LUZP2: variants seen among roughly 807,000 people sequenced by gnomAD.
LUZP2 encodes leucine zipper protein 2.
LUZP2 carries 52 observed loss-of-function variants against 51.6 expected under a neutral mutation model. The observed-to-expected ratio is 1.01, with a 90% CI of 0.81 to 1.27. The LOEUF is 1.27. LUZP2 is among the 50% of genes most tolerant of loss of function. The probability of loss-of-function intolerance (pLI) is 0.00; values close to 1 mark genes in which losing one functional copy is unlikely to be tolerated. For missense variants in LUZP2, 436 were observed against 395.4 expected (o/e 1.10, Z -0.87); for synonymous variants, 154 against 137.3 (o/e 1.12, Z -0.85).
chr11:24,618,503 T>A (rs1854373873), intron 1 of LUZP2, among the ~76,000 whole-genome samples: 1 of 152,158 alleles, frequency 6.6e-6, no homozygotes, highest in Non-Finnish European at 1.5e-5. Flanking sequence ...GTTGCCTATG[T>A]TTTTGGCATT....
chr11:24,972,115 T>C (rs1158909592), intron 7 of LUZP2, among the ~76,000 whole-genome samples: 1 of 111,128 alleles, frequency 9.0e-6, no homozygotes, highest in Non-Finnish European at 1.7e-5. Flanking sequence ...CACTCCAGCC[T>C]GGGTGACAGC....
intron 1 of LUZP2, among the ~76,000 whole-genome samples, chr11:24,576,254 T>C (rs1852642029): frequency 7.0e-6 from 1 of 142,492 alleles, no homozygotes; most frequent in Non-Finnish European, 1.5e-5. Context: ...CTACTAAAGA[T>C]ACAAAAAAAT....
intron 1 of LUZP2, among the ~76,000 whole-genome samples, chr11:24,577,758 T>A (rs1420474780): frequency 1.3e-5 from 2 of 152,138 alleles, no homozygotes; most frequent in Non-Finnish European, 2.9e-5. Flanking sequence ...GAACTAATGA[T>A]TGCTATTACA....
chr11:24,859,866 C>T (rs539744915), intron 5 of LUZP2, among the ~76,000 whole-genome samples: 1 of 152,332 alleles, frequency 6.6e-6, no homozygotes, highest in South Asian at 2.1e-4. Flanking sequence ...CTTGTGAACC[C>T]AAGCCACTGG....
Position 25,050,030 on chromosome 11 carries a change from CT to C in LUZP2, c.766-4del. ...TCTTTCTTTCTATCTCTCTTCGTCT[CT>C]TTTAAGCCTCAACAAAGTGCTTCTG... On this transcript the variant is annotated splice_polypyrimidine_tract_variant and splice_region_variant and intron_variant, in intron 9 of 11. Coordinates refer to ENST00000336930, the MANE Select transcript of LUZP2 (RefSeq NM_001009909.4). The C allele has an allele frequency of 6.4e-7, 1 of 1,566,544 alleles. No individual in the cohort carries two copies. Among genetic ancestry groups the C allele is most frequent in the East Asian group, 2.3e-5 (1 of 43,298 alleles).
intron 1 of LUZP2, among the ~76,000 whole-genome samples, chr11:24,587,944 G>A (rs1853131447): frequency 6.6e-6 from 1 of 152,062 alleles, no homozygotes; most frequent in African/African-American, 2.4e-5. Context: ...AGAAAATGGG[G>A]AGAGATCATC....
At chr11:24,863,480 G>A (rs2134249663) in intron 5 of LUZP2, among the ~76,000 whole-genome samples, 1 of 152,136 alleles carries the variant, frequency 6.6e-6, no homozygotes, top group African/African-American at 2.4e-5. Context: ...CTCCATTCAT[G>A]TGAAATCTCC....
intron 7 of LUZP2, among the ~76,000 whole-genome samples, chr11:24,934,855 A>C (rs2133839854): frequency 6.6e-6 from 1 of 152,346 alleles, no homozygotes; most frequent in African/African-American, 2.4e-5. Context: ...TACTCAAGAT[A>C]CAACCTATTT....
At chr11:25,047,385 T>A (rs181979656) in intron 9 of LUZP2, among the ~76,000 whole-genome samples, 41 of 68,864 alleles carry the variant, frequency 6.0e-4, no homozygotes, top group African/African-American at 1.6e-3. Context: ...TTATTTTTTT[T>A]AATTTTTTTT....
chr11:24,633,232 C>T (rs1854954499), intron 1 of LUZP2, among the ~76,000 whole-genome samples: 1 of 151,838 alleles, frequency 6.6e-6, no homozygotes, highest in Non-Finnish European at 1.5e-5. Flanking sequence ...TAAAAATATT[C>T]CATCCAAAAA....
At chr11:24,555,500 G>A (rs896680035) in intron 1 of LUZP2, among the ~76,000 whole-genome samples, 1 of 152,138 alleles carries the variant, frequency 6.6e-6, no homozygotes, top group Admixed American at 6.6e-5. Context: ...GTAATAAGCA[G>A]AAGTTTTACA....
chr11:24,998,101 G>C (rs1052406622), intron 9 of LUZP2, among the ~76,000 whole-genome samples: 7 of 152,026 alleles, frequency 4.6e-5, no homozygotes, highest in African/African-American at 1.7e-4. Context: ...TTGGCGATGC[G>C]GGCTCTGTTT....
At chr11:24,747,356 G>T (rs1859418493) in intron 4 of LUZP2, among the ~76,000 whole-genome samples, 1 of 152,118 alleles carries the variant, frequency 6.6e-6, no homozygotes, top group Non-Finnish European at 1.5e-5. Flanking sequence ...CTAGCTCTGG[G>T]CCAGTACTGG....
At chr11:24,580,608 A>G (rs1187013566) in intron 1 of LUZP2, among the ~76,000 whole-genome samples, 4 of 152,188 alleles carry the variant, frequency 2.6e-5, no homozygotes, top group African/African-American at 9.6e-5. Flanking sequence ...AAAACAAAAA[A>G]AAAATTAAAA....
intron 1 of LUZP2, among the ~76,000 whole-genome samples, chr11:24,509,481 TGTA>T (rs1030909702): frequency 9.4e-5 from 14 of 148,964 alleles, no homozygotes; most frequent in African/African-American, 3.2e-4. Flanking sequence ...GTATATATCA[TGTA>T]GTATATAGAT....
intron 1 of LUZP2, among the ~76,000 whole-genome samples, chr11:24,542,899 C>T (rs1414140342): frequency 5.5e-5 from 7 of 126,474 alleles, no homozygotes; most frequent in Non-Finnish European, 1.2e-4. Flanking sequence ...AAATAATGAA[C>T]AAAAAGAACA....
intron 9 of LUZP2, among the ~76,000 whole-genome samples, chr11:25,006,814 G>C (rs562172516): frequency 6.6e-6 from 1 of 152,120 alleles, no homozygotes; most frequent in Non-Finnish European, 1.5e-5. Flanking sequence ...AGCTCATAAA[G>C]GTAGTGCAGA....
intron 4 of LUZP2, among the ~76,000 whole-genome samples, chr11:24,752,363 A>G (rs1859623935): frequency 6.6e-6 from 1 of 152,224 alleles, no homozygotes; most frequent in Admixed American, 6.5e-5. Context: ...TTCTATACAT[A>G]TAAACTGGCA....
chr11:24,890,984 T>G (rs1198501200), intron 5 of LUZP2: 1 of 973,724 alleles, frequency 1.0e-6, no homozygotes, highest in Non-Finnish European at 1.2e-6. Flanking sequence ...GGCAAGCATC[T>G]CTTCAGTTAC....
Sources: gnomAD v4.1 joint callset for allele counts (sites outside exome capture counted in the v4.1 genomes callset) on GRCh38, gnomAD v4.1.1 for gene constraint, MANE v1.5 for transcripts, NCBI Gene and HGNC (gene_info 2026-07-23, HGNC 2026-07-21) for gene names.